NOX3: variants seen among roughly 807,000 people sequenced by gnomAD.
The protein encoded by NOX3 is NADPH oxidase catalytic subunit-like 3.
Under a neutral mutation model 76.7 loss-of-function variants are expected in NOX3, and 74 were observed. The ratio of observed to expected loss-of-function variants is 0.96; its 90% CI spans 0.80 to 1.17. NOX3 has a LOEUF of 1.17. Ranked by LOEUF, NOX3 falls within the 50% of genes most tolerant of loss-of-function variation. NOX3 has a pLI of 0.00. For missense variants in NOX3, 695 were observed against 703.3 expected, an observed-to-expected ratio of 0.99 and a Z score of 0.13; for synonymous variants, 263 against 261.1, an observed-to-expected ratio of 1.01 and a Z score of -0.07.
chr6:155,418,354 A>T (rs991295273), intron 10 of NOX3, among the ~76,000 whole-genome samples: 1 of 152,214 alleles, frequency 6.6e-6, no homozygotes, highest in Non-Finnish European at 1.5e-5. Flanking sequence ...TCCATATTGC[A>T]TCACAGAGAA....
At chr6:155,405,516 G>C (rs928516392) in intron 12 of NOX3, among the ~76,000 whole-genome samples, 1 of 152,108 alleles carries the variant, frequency 6.6e-6, no homozygotes, top group Non-Finnish European at 1.5e-5. Context: ...CTGAACGTTT[G>C]CTTCTTATAT....
chr6:155,413,545 G>A (rs561857760), intron 10 of NOX3, among the ~76,000 whole-genome samples: 145 of 152,262 alleles, frequency 9.5e-4, no homozygotes, highest in African/African-American at 3.4e-3. Flanking sequence ...AGACCAGTTA[G>A]GGGTGGATTT....
In NOX3 at chr6:155,430,834, C is replaced by T. The variant is rs747104512; in HGVS notation, c.891+9G>A. 1.9e-6 allele frequency: 3 copies of T among 1,588,320 alleles called. No homozygotes were observed. Among genetic ancestry groups the T allele is most frequent in the Middle Eastern group, 1.7e-4 (1 of 6,016 alleles). The stretch of plus-strand genomic sequence containing the variant: ...AGGCTTTTATTCAGACATAAAGCTA[C>T]ATGCATACCTTGGTAATGACAACTT... On this transcript the variant is annotated intron_variant, in intron 8 of 13. Coordinates refer to ENST00000159060, the MANE Select transcript of NOX3 (RefSeq NM_015718.3).
chr6:155,414,315 C>G (rs887739018), intron 10 of NOX3, among the ~76,000 whole-genome samples: 1 of 152,190 alleles, frequency 6.6e-6, no homozygotes, highest in Non-Finnish European at 1.5e-5. Flanking sequence ...TGAGAAAGGA[C>G]CTGGTCAATG....
At chr6:155,400,097 T>G (rs527628832) in intron 12 of NOX3, among the ~76,000 whole-genome samples, 1 of 152,366 alleles carries the variant, frequency 6.6e-6, no homozygotes, top group East Asian at 1.9e-4. Flanking sequence ...TCTCTATGTC[T>G]GCTAAATAAC....
At chr6:155,396,786 C>T (rs890873173) in intron 13 of NOX3, 23 bp downstream of exon 13, 1 of 1,575,088 alleles carries the variant, frequency 6.3e-7, no homozygotes, top group South Asian at 1.2e-5. Flanking sequence ...CAATCCCTGA[C>T]CTGTATGATT....
At chr6:155,431,189 C>T (rs1285155908) in intron 7 of NOX3, among the ~76,000 whole-genome samples, 1 of 151,928 alleles carries the variant, frequency 6.6e-6, no homozygotes, top group Admixed American at 6.6e-5. Context: ...TCAATGATGC[C>T]TTTATGTAAT....
At chr6:155,424,411 A>G (rs1776730743) in intron 9 of NOX3, among the ~76,000 whole-genome samples, 1 of 152,238 alleles carries the variant, frequency 6.6e-6, no homozygotes, top group African/African-American at 2.4e-5. Context: ...AGTCAGCAGA[A>G]TGTATTAAAT....
intron 13 of NOX3, 40 bp downstream of exon 13, chr6:155,396,769 A>C: frequency 6.6e-7 from 1 of 1,512,966 alleles, no homozygotes; most frequent in Non-Finnish European, 8.9e-7. Context: ...TTATGGGAAG[A>C]GTTTCCCAAT....
intron 9 of NOX3, among the ~76,000 whole-genome samples, chr6:155,428,538 ACCT>A (rs1455391305): frequency 6.0e-5 from 9 of 150,104 alleles, no homozygotes; most frequent in Admixed American, 6.0e-4. Context: ...TGGAAGAGAA[ACCT>A]CCTTCCTGGA....
intron 7 of NOX3, among the ~76,000 whole-genome samples, chr6:155,432,118 AG>A (rs1437821070): frequency 6.6e-6 from 1 of 152,064 alleles, no homozygotes; most frequent in East Asian, 1.9e-4. Flanking sequence ...CGAGGTACAT[AG>A]TGATGTTTTG....
intron 4 of NOX3, among the ~76,000 whole-genome samples, chr6:155,445,957 C>CTATATA (rs200968638): frequency 7.9e-6 from 1 of 126,120 alleles, no homozygotes; most frequent in African/African-American, 3.1e-5. Context: ...TATATATATG[C>CTATATA]TATATATATA....
Position 155,422,856 on chromosome 6 carries a change from C to A in NOX3, c.1146G>T (p.Arg382Ser). 1.2e-6 allele frequency: 2 copies of A among 1,614,026 alleles called. No homozygotes were observed. The highest frequency in any genetic ancestry group is 1.7e-6 in the Non-Finnish European group (2 of 1,179,926). Reference protein sequence around the residue: ...QALQEPWSLPRLAVDGPFGTA... With the variant: ...QALQEPWSLPSLAVDGPFGTA... ...TTCCAAAGGGCCCGTCCACTGCCAG[C>A]CTGGAATCATAGAGGAATGCAGCCT... is the stretch of plus-strand genomic sequence containing the variant. The change falls in exon 10 of 14, where the codon AGG becomes AGT. Residue 382 changes from arginine to serine, a missense_variant and splice_region_variant. Physicochemically the swap from Arg to Ser is moderately radical, Grantham distance 110. Transcript: ENST00000159060.
At chr6:155,405,848 A>C (rs192565212) in intron 12 of NOX3, among the ~76,000 whole-genome samples, 1 of 152,260 alleles carries the variant, frequency 6.6e-6, no homozygotes, top group African/African-American at 2.4e-5. Context: ...CTCACGTTCC[A>C]TTCTCTTGCA....
At chr6:155,443,067 A>T (rs1221602183) in intron 5 of NOX3, among the ~76,000 whole-genome samples, 1 of 152,190 alleles carries the variant, frequency 6.6e-6, no homozygotes, top group African/African-American at 2.4e-5. Context: ...TAGGTGACAT[A>T]TCTTTTTCTC....
At chr6:155,439,914 T>G (rs1395936597) in intron 6 of NOX3, 42 bp downstream of exon 6, 2 of 1,559,862 alleles carry the variant, frequency 1.3e-6, no homozygotes, top group Non-Finnish European at 1.7e-6. Context: ...TTTGGGACTC[T>G]CAGAGATAAA....
chr6:155,404,215 A>G (rs1041297832), intron 12 of NOX3, among the ~76,000 whole-genome samples: 10 of 152,058 alleles, frequency 6.6e-5, no homozygotes, highest in Non-Finnish European at 1.3e-4. Context: ...GTTTCTACCT[A>G]CAATCTTTTC....
intron 12 of NOX3, among the ~76,000 whole-genome samples, chr6:155,401,554 G>A (rs1329081084): frequency 6.6e-6 from 1 of 152,126 alleles, no homozygotes; most frequent in Non-Finnish European, 1.5e-5. Flanking sequence ...GCATACACAA[G>A]CAAATGTGGG....
intron 3 of NOX3, among the ~76,000 whole-genome samples, chr6:155,454,090 C>G (rs1455951864): frequency 6.6e-6 from 1 of 152,108 alleles, no homozygotes; most frequent in East Asian, 1.9e-4. Flanking sequence ...TTAAAAAACA[C>G]TTTATTGCTA....
Sources: gnomAD v4.1 joint callset for allele counts (sites outside exome capture counted in the v4.1 genomes callset) on GRCh38, gnomAD v4.1.1 for gene constraint, MANE v1.5 for transcripts, NCBI Gene and HGNC (gene_info 2026-07-23, HGNC 2026-07-21) for gene names.